The following DYNC2I1 variants were observed in gnomAD, a reference collection of about 807,000 sequenced individuals.
DYNC2I1 encodes dynein 2 intermediate chain 1, also known as cytoplasmic dynein 2 intermediate chain 1.
A neutral mutation model predicts 133.4 loss-of-function variants in DYNC2I1; 89 were observed. The observed-to-expected ratio is 0.67, with a 90% CI of 0.56 to 0.80. DYNC2I1 has a LOEUF of 0.80. Ranked by LOEUF, DYNC2I1 falls within the 30% of genes least tolerant of loss-of-function variation. The pLI is 0.00. For synonymous variants in DYNC2I1, 504 were observed against 484.3 expected, an observed-to-expected ratio of 1.04 and a Z score of -0.54; for missense variants, 1,291 against 1,314.5, an observed-to-expected ratio of 0.98 and a Z score of 0.28.
chr7:158,931,945 G>A (rs1046201152), intron 21 of DYNC2I1, among the ~76,000 whole-genome samples: 1 of 152,206 alleles, frequency 6.6e-6, no homozygotes, highest in Non-Finnish European at 1.5e-5. Context: ...GAGTTCCTTG[G>A]GCTTACTGCC....
chr7:158,947,625 T>G (rs572535136), downstream of DYNC2I1, among the ~76,000 whole-genome samples: 4 of 152,312 alleles, frequency 2.6e-5, no homozygotes, highest in African/African-American at 9.6e-5. Context: ...CCGGTCACAG[T>G]GCTGCTCCTT....
chr7:158,887,656 A>G (rs941605377), intron 7 of DYNC2I1, among the ~76,000 whole-genome samples: 1 of 152,236 alleles, frequency 6.6e-6, no homozygotes, highest in Non-Finnish European at 1.5e-5. Context: ...GAATAGACCT[A>G]TAGTGAGTCA....
intron 14 of DYNC2I1, among the ~76,000 whole-genome samples, chr7:158,918,364 A>T (rs1848687509): frequency 6.6e-6 from 1 of 151,388 alleles, no homozygotes; most frequent in Admixed American, 6.6e-5. Context: ...GTGTTTTACC[A>T]CTCACTCTGG....
chr7:158,881,849 A>G (rs1310598283), intron 5 of DYNC2I1, among the ~76,000 whole-genome samples: 2 of 152,172 alleles, frequency 1.3e-5, no homozygotes, highest in Non-Finnish European at 1.5e-5. Context: ...AGCAAAGTCG[A>G]CGTAATTTTC....
At chr7:158,853,024 A>G (rs954984083), upstream of DYNC2I1, among the ~76,000 whole-genome samples, 5 of 152,216 alleles carry the variant, frequency 3.3e-5, no homozygotes, top group Non-Finnish European at 5.9e-5. Context: ...CATTTGGCCT[A>G]GAACATTTTA....
At chr7:158,913,604 G>A (rs1847707658) in intron 13 of DYNC2I1, among the ~76,000 whole-genome samples, 1 of 152,168 alleles carries the variant, frequency 6.6e-6, no homozygotes, top group Non-Finnish European at 1.5e-5. Flanking sequence ...AATTGCCTCT[G>A]TATGGCAGGG....
downstream of DYNC2I1, among the ~76,000 whole-genome samples, chr7:158,957,856 AG>A (rs1394913826): frequency 6.6e-6 from 1 of 152,196 alleles, no homozygotes; most frequent in African/African-American, 2.4e-5. Context: ...TATCAGACAC[AG>A]GGGACCCCTC....
intron 3 of DYNC2I1, 47 bp downstream of exon 3, chr7:158,871,609 C>A (rs966674042): frequency 2.2e-6 from 3 of 1,344,960 alleles, no homozygotes; most frequent in South Asian, 1.5e-5. Flanking sequence ...GGTGCCGCGT[C>A]GCTGCTGGTG....
downstream of DYNC2I1, among the ~76,000 whole-genome samples, chr7:158,948,428 A>AGAAGT (rs1262510114): frequency 3.9e-5 from 6 of 152,262 alleles, no homozygotes; most frequent in African/African-American, 1.4e-4. Context: ...CCACATCAGT[A>AGAAGT]GAAGTAAATT....
intron 8 of DYNC2I1, among the ~76,000 whole-genome samples, chr7:158,893,328 T>C (rs182177450): frequency 2.8e-4 from 42 of 152,268 alleles, no homozygotes; most frequent in African/African-American, 1.0e-3. Context: ...CAGCTGCTCC[T>C]CAACTTGTGA....
chr7:158,854,718 C>T (rs1185228606), upstream of DYNC2I1, among the ~76,000 whole-genome samples: 1 of 152,128 alleles, frequency 6.6e-6, no homozygotes, highest in East Asian at 1.9e-4. Flanking sequence ...TATTCTACGA[C>T]CAGGAATGGA....
intron 8 of DYNC2I1, among the ~76,000 whole-genome samples, chr7:158,898,034 A>G (rs144192377): frequency 2.0e-5 from 3 of 152,134 alleles, no homozygotes; most frequent in Admixed American, 6.5e-5. Flanking sequence ...TAATCTTCAT[A>G]TATTGTGGGA....
intron 13 of DYNC2I1, among the ~76,000 whole-genome samples, chr7:158,913,906 C>CT: frequency 6.6e-6 from 1 of 152,234 alleles, no homozygotes; most frequent in South Asian, 2.1e-4. Flanking sequence ...GATGGGGTTT[C>CT]GCCATGTTGG....
chr7:158,900,657 T>G (rs1281510978), intron 8 of DYNC2I1, among the ~76,000 whole-genome samples: 1 of 152,052 alleles, frequency 6.6e-6, no homozygotes, highest in African/African-American at 2.4e-5. Flanking sequence ...TTCCTTTCTC[T>G]CTTCTTCTGC....
In DYNC2I1 at chr7:158,944,212, G is replaced by A. The variant is rs574749687; in HGVS notation, c.3003-1369G>A. 4.6e-4 allele frequency among the ~76,000 whole-genome samples: 70 copies of A among 152,250 alleles called. 1 individual carries two copies. In the South Asian group the frequency reaches 0.014, roughly 31 times the overall value. On this transcript the variant is annotated intron_variant, in intron 24 of 24. Transcript: ENST00000407559. The stretch of plus-strand genomic sequence containing the variant: ...CAGGCAGGGCCCTCAGGGCCAGCAC[G>A]GGAGGTGGCAGGAGCCTTGTGGTGG...
intron 2 of DYNC2I1, among the ~76,000 whole-genome samples, 172 bp from the exon 3 acceptor site, chr7:158,870,970 C>T (rs2129477444): frequency 6.6e-6 from 1 of 152,322 alleles, no homozygotes; most frequent in South Asian, 2.1e-4. Context: ...GTTCTAAGAA[C>T]ATCCATGCAG....
In DYNC2I1 at chr7:158,930,512, A is replaced by T; in HGVS notation, c.2543A>T (p.Asp848Val). 1 of 1,612,584 alleles carries T rather than the reference A, an allele frequency of 6.2e-7. No homozygotes were observed. Among genetic ancestry groups the T allele is most frequent in the Non-Finnish European group, 8.5e-7 (1 of 1,179,410 alleles). Residue 848 changes from aspartate (D) to valine (V), a missense_variant, in exon 21 of 25, where the codon GAC becomes GTC. Physicochemically the swap from Asp to Val is radical, Grantham distance 152 (BLOSUM62 -3). Transcript: ENST00000407559. ...CATAGTGCTCTGATCCAGTTGGGTG[A>T]CAGGTAAGATGTGAGGGAAAATGCT... ...LVHSALIQLGDSLSHKGNEFW... is the reference protein window; with the variant it reads ...LVHSALIQLGVSLSHKGNEFW...
chr7:158,928,668 C>T (rs571400092), intron 20 of DYNC2I1, among the ~76,000 whole-genome samples: 2 of 152,236 alleles, frequency 1.3e-5, no homozygotes, highest in South Asian at 4.2e-4. Flanking sequence ...CCAGGCTGCC[C>T]CTAGAATCCT....
rs777783211 is a variant in DYNC2I1, at chr7:158,918,803, C to G, written c.1855C>G (p.Gln619Glu). The change falls in exon 15 of 25, where the codon CAA (glutamine) becomes GAA (glutamate). Residue 619 changes from glutamine to glutamate, a missense_variant. Coordinates refer to ENST00000407559, the MANE Select transcript of DYNC2I1 (RefSeq NM_018051.5). The stretch of plus-strand genomic sequence containing the variant: ...TGAACCCAGCTGGAATCTTAGGGCT[C>G]AAGACAGGGCCCTGTATTTTAGTGA... ...AAEPSWNLRA[Q>E]DRALYFSDSS... 3.0e-5 allele frequency: 49 copies of G among 1,613,738 alleles called. No homozygotes were observed. Among genetic ancestry groups the G allele is most frequent in the Non-Finnish European group, 4.2e-6 (5 of 1,179,878 alleles).
Sources: gnomAD v4.1 joint callset for allele counts (sites outside exome capture counted in the v4.1 genomes callset) on GRCh38, gnomAD v4.1.1 for gene constraint, MANE v1.5 for transcripts, NCBI Gene and HGNC (gene_info 2026-07-23, HGNC 2026-07-21) for gene names.